STIMATE: variants seen among roughly 807,000 people sequenced by gnomAD.
The protein encoded by STIMATE is store-operated calcium entry regulator STIMATE.
In STIMATE, 15 loss-of-function variants were observed where a neutral mutation model predicts 36.7. That is an observed-to-expected ratio of 0.41 (90% CI 0.27 to 0.63). The LOEUF is 0.63. Ranked by LOEUF, STIMATE falls within the 20% of genes least tolerant of loss-of-function variation. The pLI is 0.32. For missense variants in STIMATE, 305 were observed against 397.3 expected (o/e 0.77, Z 1.98); for synonymous variants, 163 against 162.3 (o/e 1.00, Z -0.03).
chr3:52,854,282 G>A (rs557276048), intron 2 of STIMATE, among the ~76,000 whole-genome samples: 2 of 152,254 alleles, frequency 1.3e-5, no homozygotes, highest in African/African-American at 4.8e-5. Flanking sequence ...GTCTTAGTGG[G>A]CTCCTAGATA....
At chr3:52,850,025 A>G in intron 3 of STIMATE, 112 bp from the exon 4 acceptor site, 1 of 1,439,466 alleles carries the variant, frequency 6.9e-7, no homozygotes, top group Non-Finnish European at 9.1e-7. Context: ...GTTTGGGCCC[A>G]TTCTGGGGGC....
At chr3:52,890,853 C>T (rs1400166089) in intron 1 of STIMATE, among the ~76,000 whole-genome samples, 4 of 152,168 alleles carry the variant, frequency 2.6e-5, no homozygotes, top group Admixed American at 2.6e-4. Context: ...GGACTCCGTG[C>T]TGCCTGCTTC....
At chr3:52,860,769 G>A (rs1035209247) in intron 1 of STIMATE, among the ~76,000 whole-genome samples, 2 of 152,232 alleles carry the variant, frequency 1.3e-5, no homozygotes, top group East Asian at 1.9e-4. Flanking sequence ...AGGCTCTGCT[G>A]ACAGTGGACG....
chr3:52,874,820 C>T (rs1456096871), intron 1 of STIMATE, among the ~76,000 whole-genome samples: 1 of 151,962 alleles, frequency 6.6e-6, no homozygotes, highest in African/African-American at 2.4e-5. Context: ...CCAGCCTGGG[C>T]GACAGAGGGA....
At chr3:52,867,491 G>C (rs573060813) in intron 1 of STIMATE, among the ~76,000 whole-genome samples, 1 of 152,316 alleles carries the variant, frequency 6.6e-6, no homozygotes, top group Admixed American at 6.5e-5. Context: ...ATGCTTTCTT[G>C]TTCATCCCTG....
chr3:52,884,630 C>G (rs750944380), intron 1 of STIMATE, among the ~76,000 whole-genome samples: 1 of 152,192 alleles, frequency 6.6e-6, no homozygotes, highest in African/African-American at 2.4e-5. Context: ...TTAGAATTCC[C>G]TTTTCTAGAA....
Position 52,847,933 on chromosome 3 carries a change from C to T in STIMATE, c.427+1859G>A, listed in dbSNP as rs183065044. ...TGGCTTGGACGACGGAAGGAGGGGC[C>T]GCGAGCCAAGGCTTACAGGCAGACT... On this transcript the variant is annotated intron_variant, in intron 4 of 7. Transcript: ENST00000355083. Among the ~76,000 whole-genome samples, 5 of 152,190 alleles carry T rather than the reference C, an allele frequency of 3.3e-5. No homozygotes were observed. In the East Asian group the frequency reaches 5.8e-4, roughly 18 times the overall value.
intron 1 of STIMATE, among the ~76,000 whole-genome samples, chr3:52,872,911 C>T (rs185481366): frequency 3.3e-4 from 50 of 152,352 alleles, no homozygotes; most frequent in African/African-American, 1.2e-3. Context: ...CAGGTGTGAG[C>T]CACCACGCCC....
intron 1 of STIMATE, among the ~76,000 whole-genome samples, chr3:52,858,896 C>T (rs1461502014): frequency 1.3e-5 from 2 of 152,148 alleles, no homozygotes; most frequent in Admixed American, 6.5e-5. Flanking sequence ...TGGTGGCTCA[C>T]ACCTGTAATC....
Position 52,838,000 on chromosome 3 carries a change from ACGTG to A in STIMATE, c.*2490_*2493del, listed in dbSNP as rs1700734798. 3 of 6,308 alleles carry A rather than the reference ACGTG, an allele frequency of 4.8e-4. No individual in the cohort carries two copies. In the Non-Finnish European group the frequency reaches 7.3e-3, roughly 15 times the overall value. The allele number at this position is 6,308 out of a possible 1,614,324, so 0.4% of individuals were successfully genotyped here. A position where few individuals can be genotyped will look rare whatever the true frequency, so the allele number is the denominator to read the frequency against. Reference sequence around the variant, plus strand: ...TGTGTGTACATGTGTGTGCACGTGCACGTGCACACACACACACAAACACACAAGA... The same window carrying A: ...TGTGTGTACATGTGTGTGCACGTGCACACACACACACACAAACACACAAGA... On this transcript the variant is annotated 3_prime_UTR_variant, in exon 8 of 8. Transcript: ENST00000355083.
At chr3:52,872,215 A>G (rs538709865) in intron 1 of STIMATE, among the ~76,000 whole-genome samples, 1 of 152,254 alleles carries the variant, frequency 6.6e-6, no homozygotes, top group East Asian at 1.9e-4. Context: ...TCCCTACTAG[A>G]AAGTAAGCTC....
chr3:52,874,428 A>G (rs757900477), intron 1 of STIMATE, among the ~76,000 whole-genome samples: 4 of 152,232 alleles, frequency 2.6e-5, no homozygotes, highest in Non-Finnish European at 4.4e-5. Context: ...AGAAATTCAG[A>G]GGCATATACA....
At chr3:52,843,828 G>A in intron 5 of STIMATE, 30 bp from the exon 6 acceptor site, 1 of 1,612,766 alleles carries the variant, frequency 6.2e-7, no homozygotes, top group Non-Finnish European at 8.5e-7. Flanking sequence ...CAGTGAGGTA[G>A]GGAGAGGCCA....
At chr3:52,882,400 A>T (rs1186995941) in intron 1 of STIMATE, among the ~76,000 whole-genome samples, 1 of 152,124 alleles carries the variant, frequency 6.6e-6, no homozygotes, top group Non-Finnish European at 1.5e-5. Flanking sequence ...TGTGAACATC[A>T]TGAGTGGGGA....
rs200312745 is a variant in STIMATE, at chr3:52,840,502, G to A, written c.877C>T (p.Pro293Ser). 1.7e-5 allele frequency: 27 copies of A among 1,613,702 alleles called. No individual in the cohort carries two copies. Among genetic ancestry groups the A allele is most frequent in the East Asian group, 2.2e-5 (1 of 44,868 alleles). ...VKKKKHRFGL[P>S]V Reference sequence around the variant, plus strand: ...CCCAGCATGGGAATGTGTCATACGGGTAGCCCAAAGCGGTGCTTCTTTTTC... The same window carrying A: ...CCCAGCATGGGAATGTGTCATACGGATAGCCCAAAGCGGTGCTTCTTTTTC... The change falls in exon 8 of 8, where the codon CCC becomes TCC. Residue 293 changes from proline to serine, a missense_variant. Physicochemically the swap from Pro to Ser is moderately conservative, Grantham distance 74. Around this residue, in one of 3 missense-constraint regions of STIMATE, gnomAD observed 84 missense variants for 82.4 expected, o/e 1.02. Transcript: ENST00000355083.
intron 1 of STIMATE, among the ~76,000 whole-genome samples, chr3:52,860,544 G>C (rs1701200505): frequency 6.6e-6 from 1 of 151,640 alleles, no homozygotes; most frequent in Non-Finnish European, 1.5e-5. Flanking sequence ...GTGTGTGGTG[G>C]CCAGGCAGCT....
intron 1 of STIMATE, chr3:52,895,912 C>A (rs1034773820): frequency 2.9e-5 from 37 of 1,289,672 alleles, no homozygotes; most frequent in Non-Finnish European, 3.5e-5. Context: ...AGTACATGCG[C>A]CCAAGTCAGC....
intron 1 of STIMATE, among the ~76,000 whole-genome samples, chr3:52,886,050 C>A (rs1701683375): frequency 6.6e-6 from 1 of 152,176 alleles, no homozygotes; most frequent in African/African-American, 2.4e-5. Context: ...AGGAAAGATT[C>A]CTCTGGCTTC....
chr3:52,840,606 A>T lies in STIMATE; in HGVS notation c.773T>A (p.Leu258Gln), dbSNP rs1336931514. 7.4e-6 allele frequency: 12 copies of T among 1,612,814 alleles called. No homozygotes were observed. Among genetic ancestry groups the T allele is most frequent in the Non-Finnish European group, 8.5e-6 (10 of 1,179,430 alleles). ...CTCCATCTCATCATCCGCTGAGATC[A>T]GGATCTGAGGCAGTAGAGAGGCAGG... is the stretch of plus-strand genomic sequence containing the variant. ...ASHEESESEILISADDEMEES... is the reference protein window; with the variant it reads ...ASHEESESEIQISADDEMEES... The change falls in exon 8 of 8, where the codon CTG (leucine) becomes CAG (glutamine). Residue 258 changes from leucine to glutamine, a missense_variant. Leu to Gln is a moderately radical substitution (Grantham distance 113). This residue lies in a region of STIMATE where 84 missense variants were observed against 82.4 expected (regional missense o/e 1.02). Coordinates refer to ENST00000355083, the MANE Select transcript of STIMATE (RefSeq NM_198563.5).
Sources: gnomAD v4.1 joint callset for allele counts (sites outside exome capture counted in the v4.1 genomes callset) on GRCh38, gnomAD v4.1.1 for gene constraint, gnomAD v4.1.1 regional missense constraint, MANE v1.5 for transcripts, NCBI Gene and HGNC (gene_info 2026-07-23, HGNC 2026-07-21) for gene names.